The following G3BP1 variants were observed in gnomAD, a reference collection of about 807,000 sequenced individuals.
The protein encoded by G3BP1 is ras GTPase-activating protein-binding protein 1.
A neutral mutation model predicts 58.6 loss-of-function variants in G3BP1; 35 were observed. The observed-to-expected ratio is 0.60, with a 90% CI of 0.46 to 0.79. G3BP1 has a LOEUF of 0.79. G3BP1 is among the 30% of genes least tolerant of loss of function. The pLI, the probability that G3BP1 is intolerant of heterozygous loss-of-function variation, is 0.00. For synonymous variants in G3BP1, 191 were observed against 195.4 expected (o/e 0.98, Z 0.19); for missense variants, 523 against 580.8 (o/e 0.90, Z 1.02).
At chr5:151,779,106 TA>T (rs1374728828) in intron 1 of G3BP1, among the ~76,000 whole-genome samples, 2 of 152,166 alleles carry the variant, frequency 1.3e-5, no homozygotes, top group African/African-American at 4.8e-5. Context: ...TATTTACTCC[TA>T]ATCTGTGGCT....
At chr5:151,781,124 A>C (rs1762463658) in intron 1 of G3BP1, among the ~76,000 whole-genome samples, 1 of 152,246 alleles carries the variant, frequency 6.6e-6, no homozygotes, top group South Asian at 2.1e-4. Flanking sequence ...TCATGAATGC[A>C]TAAAATATAT....
intron 1 of G3BP1, among the ~76,000 whole-genome samples, chr5:151,786,343 G>T (rs1039554977): frequency 1.2e-4 from 19 of 152,196 alleles, no homozygotes; most frequent in Admixed American, 7.9e-4. Flanking sequence ...TACCTTTGAG[G>T]TTCTTACGTC....
At position 151,797,321 on chromosome 5, in the gene G3BP1, G is replaced by C. The variant is rs760291090; in HGVS notation, c.634G>C (p.Glu212Gln). The C allele has an allele frequency of 2.5e-6, 4 of 1,614,054 alleles. No homozygotes were observed. The highest frequency in any genetic ancestry group is 1.1e-5 in the South Asian group (1 of 91,078). Residue 212 changes from glutamate (E) to glutamine (Q), a missense_variant, in exon 7 of 12, where the codon GAG becomes CAG. Transcript: ENST00000356245. Reference protein sequence around the residue: ...PEQEPVSEIQEEKPEPVLEET... With the variant: ...PEQEPVSEIQQEKPEPVLEET... ...ACAAGAACCTGTATCTGAAATCCAA[G>C]AGGAAAAGCCTGAGCCAGTATTAGA... is the stretch of plus-strand genomic sequence containing the variant.
At chr5:151,778,838 C>G (rs1254283218) in intron 1 of G3BP1, among the ~76,000 whole-genome samples, 1 of 151,978 alleles carries the variant, frequency 6.6e-6, no homozygotes, top group Admixed American at 6.6e-5. Flanking sequence ...AGGTGGATCA[C>G]TTGAGGCCAG....
chr5:151,784,447 C>G (rs569190907), intron 1 of G3BP1, among the ~76,000 whole-genome samples: 2 of 152,278 alleles, frequency 1.3e-5, no homozygotes, highest in South Asian at 4.1e-4. Context: ...GTATAAAATT[C>G]TAACCTCTTC....
chr5:151,773,574 C>T (rs1461395835), intron 1 of G3BP1, among the ~76,000 whole-genome samples: 6 of 152,162 alleles, frequency 3.9e-5, no homozygotes, highest in African/African-American at 1.4e-4. Flanking sequence ...CAACATACTC[C>T]TTGGCTTAGT....
intron 1 of G3BP1, among the ~76,000 whole-genome samples, chr5:151,774,480 A>G (rs538462606): frequency 5.5e-4 from 84 of 152,154 alleles, no homozygotes; most frequent in Admixed American, 2.0e-3. Context: ...ATAAAATTTA[A>G]CATAAAGCTT....
chr5:151,798,645 T>G (rs1346928496), intron 7 of G3BP1, among the ~76,000 whole-genome samples: 1 of 152,186 alleles, frequency 6.6e-6, no homozygotes, highest in Non-Finnish European at 1.5e-5. Flanking sequence ...GGGAATTTTG[T>G]TTGATTCACA....
chr5:151,796,051 C>T (rs1762743583), intron 6 of G3BP1, among the ~76,000 whole-genome samples: 1 of 152,058 alleles, frequency 6.6e-6, no homozygotes, highest in South Asian at 2.1e-4. Flanking sequence ...GTGATTAGAA[C>T]AGAAATGTGT....
chr5:151,780,221 A>G (rs1404111396), intron 1 of G3BP1, among the ~76,000 whole-genome samples: 2 of 152,184 alleles, frequency 1.3e-5, no homozygotes, highest in East Asian at 1.9e-4. Context: ...TTTGCTGTCC[A>G]TTTAGTACTT....
chr5:151,786,500 C>G, intron 1 of G3BP1, 72 bp from the exon 2 acceptor site: 3 of 696,006 alleles, frequency 4.3e-6, no homozygotes, highest in Non-Finnish European at 5.2e-6. Context: ...AAACGACTTG[C>G]TGAAATGATC....
At chr5:151,794,104 AT>A in intron 4 of G3BP1, 54 bp from the exon 5 acceptor site, 1 of 1,034,476 alleles carries the variant, frequency 9.7e-7, no homozygotes, top group Non-Finnish European at 1.5e-6. Context: ...GTGTAGAGTG[AT>A]TTGACTTTCT....
rs1762945104 is a variant in G3BP1, at chr5:151,806,832, C to G, written c.*2741C>G. Reference sequence around the variant, plus strand: ...TTATTTTTATAGAGGCAAGGTCTTGCTATGTTGTCAGGCTGGTCTCAAGCT... The same window carrying G: ...TTATTTTTATAGAGGCAAGGTCTTGGTATGTTGTCAGGCTGGTCTCAAGCT... On this transcript the variant is annotated 3_prime_UTR_variant, in exon 12 of 12. Coordinates refer to ENST00000356245, the MANE Select transcript of G3BP1 (RefSeq NM_005754.3). 6.6e-6 allele frequency: 1 copy of G among 152,036 alleles called. No individual in the cohort carries two copies. Among genetic ancestry groups the G allele is most frequent in the Non-Finnish European group, 1.5e-5 (1 of 68,014 alleles). 9.4% of individuals were successfully genotyped at this position (152,036 alleles called of 1,614,324 possible). A position where few individuals can be genotyped will look rare whatever the true frequency, so the allele number is the denominator to read the frequency against.
chr5:151,779,232 A>G (rs1209838862), intron 1 of G3BP1, among the ~76,000 whole-genome samples: 1 of 152,194 alleles, frequency 6.6e-6, no homozygotes, highest in African/African-American at 2.4e-5. Context: ...TGGTGTGTCT[A>G]AAATCTTTGC....
chr5:151,773,624 A>G lies in G3BP1; in HGVS notation c.-50+1588A>G, dbSNP rs536250448. On this transcript the variant is annotated intron_variant, in intron 1 of 11. Transcript: ENST00000356245. Reference sequence around the variant, plus strand: ...ATGTTATAGAAACACTTCTATAAACATAAAGATTTCTATAATCGTGTTCTG... The same window carrying G: ...ATGTTATAGAAACACTTCTATAAACGTAAAGATTTCTATAATCGTGTTCTG... 2.0e-4 allele frequency among the ~76,000 whole-genome samples: 31 copies of G among 152,362 alleles called. 1 individual carries two copies. The highest frequency in any genetic ancestry group is 7.2e-4 in the African/African-American group (30 of 41,586).
chr5:151,791,942 C>G (rs1762665496), intron 4 of G3BP1: 1 of 371,920 alleles, frequency 2.7e-6, no homozygotes, highest in Admixed American at 3.4e-5. Flanking sequence ...GTGTGAGCCA[C>G]CATGCCCAGC....
chr5:151,793,793 G>C (rs1044620546), intron 4 of G3BP1, among the ~76,000 whole-genome samples: 2 of 112,790 alleles, frequency 1.8e-5, no homozygotes, highest in African/African-American at 7.0e-5. Flanking sequence ...AGGAATTAAA[G>C]ACCAATCCGG....
At chr5:151,780,395 G>A (rs1762446547) in intron 1 of G3BP1, among the ~76,000 whole-genome samples, 1 of 152,050 alleles carries the variant, frequency 6.6e-6, no homozygotes, top group Admixed American at 6.6e-5. Flanking sequence ...AAGGCATTTG[G>A]CTACTTTTTA....
At chr5:151,775,640 T>G (rs1361420343) in intron 1 of G3BP1, among the ~76,000 whole-genome samples, 1 of 152,270 alleles carries the variant, frequency 6.6e-6, no homozygotes, top group African/African-American at 2.4e-5. Flanking sequence ...GCACTGAGGT[T>G]GCCTAGATTT....
Sources: allele counts gnomAD v4.1 joint callset (sites outside exome capture counted in the v4.1 genomes callset), GRCh38; gene constraint gnomAD v4.1.1; transcripts MANE v1.5; gene names NCBI Gene and HGNC (gene_info 2026-07-23, HGNC 2026-07-21).